SLCO6A1: variants seen among roughly 807,000 people sequenced by gnomAD.
The protein encoded by SLCO6A1 is cancer/testis antigen 48.
Under a neutral mutation model 72.7 loss-of-function variants are expected in SLCO6A1, and 65 were observed. That is an observed-to-expected ratio of 0.89 (90% CI 0.73 to 1.10). SLCO6A1 has a LOEUF of 1.10. Ranked by LOEUF, SLCO6A1 falls within the 50% of genes least tolerant of loss-of-function variation. The pLI is 0.00. For missense variants in SLCO6A1, 874 were observed against 872.6 expected (o/e 1.00, Z -0.02); for synonymous variants, 314 against 298.2 (o/e 1.05, Z -0.55).
chr5:102,477,698 T>C lies in SLCO6A1; in HGVS notation c.780A>G (p.Thr260=). ...TGCCTAAATAGATACCAGCTGAGTG[T>C]GTAGCAACATTCTCATCAATAAAGG... ...GITFIDENVA[T]HSAGIYLGIA... is the part of the protein sequence containing the mutation. Residue 260 remains threonine (T), a synonymous_variant, in exon 3 of 14, where the codon ACA becomes ACG. Coordinates refer to ENST00000506729, the MANE Select transcript of SLCO6A1 (RefSeq NM_173488.5). 1 of 1,613,162 alleles carries C rather than the reference T, an allele frequency of 6.2e-7. No individual in the cohort carries two copies. The highest frequency in any genetic ancestry group is 8.5e-7 in the Non-Finnish European group (1 of 1,179,614).
chr5:102,420,853 G>A (rs1430447371), intron 7 of SLCO6A1, among the ~76,000 whole-genome samples: 1 of 152,138 alleles, frequency 6.6e-6, no homozygotes, highest in Non-Finnish European at 1.5e-5. Flanking sequence ...AAGAGCTCCA[G>A]TCTGCAGCTC....
chr5:102,406,962 G>C (rs535905098), intron 9 of SLCO6A1, among the ~76,000 whole-genome samples: 2 of 151,812 alleles, frequency 1.3e-5, no homozygotes, highest in Middle Eastern at 3.4e-3. Context: ...ACTATTTGTA[G>C]TCTGCGTTAA....
At chr5:102,386,945 C>T (rs1746451097) in intron 12 of SLCO6A1, among the ~76,000 whole-genome samples, 1 of 152,160 alleles carries the variant, frequency 6.6e-6, no homozygotes, top group Non-Finnish European at 1.5e-5. Flanking sequence ...AAGGGTGATG[C>T]AGGTCATGTG....
intron 9 of SLCO6A1, among the ~76,000 whole-genome samples, chr5:102,401,067 G>GC (rs1554066884): frequency 1.3e-5 from 2 of 151,712 alleles, no homozygotes; most frequent in African/African-American, 2.4e-5. Flanking sequence ...TATTGGGGGG[G>GC]TTATAGGACA....
intron 13 of SLCO6A1, among the ~76,000 whole-genome samples, chr5:102,372,507 A>G (rs1194979584): frequency 2.6e-5 from 4 of 151,976 alleles, no homozygotes; most frequent in Non-Finnish European, 5.9e-5. Flanking sequence ...AAATCTCTAT[A>G]CAAATGCATT....
At chr5:102,413,408 T>G (rs1748099299) in intron 8 of SLCO6A1, among the ~76,000 whole-genome samples, 1 of 143,228 alleles carries the variant, frequency 7.0e-6, no homozygotes, top group Admixed American at 6.8e-5. Context: ...ACAAACATAA[T>G]AATAAAAAAA....
At chr5:102,420,470 T>C (rs1748533490) in intron 7 of SLCO6A1, among the ~76,000 whole-genome samples, 2 of 152,132 alleles carry the variant, frequency 1.3e-5, no homozygotes, top group African/African-American at 4.8e-5. Context: ...GAATGAACGT[T>C]CAATATTAAT....
intron 10 of SLCO6A1, among the ~76,000 whole-genome samples, chr5:102,394,008 G>GA (rs1746919298): frequency 6.6e-6 from 1 of 152,102 alleles, no homozygotes; most frequent in Non-Finnish European, 1.5e-5. Context: ...TTCCAGTTGT[G>GA]ACCCCCAACC....
At chr5:102,446,510 T>C (rs1158950902) in intron 6 of SLCO6A1, among the ~76,000 whole-genome samples, 1 of 152,214 alleles carries the variant, frequency 6.6e-6, no homozygotes, top group Non-Finnish European at 1.5e-5. Context: ...TTACATTGTC[T>C]GTAAAGAAAA....
In SLCO6A1 at chr5:102,459,753, T is replaced by C; in HGVS notation, c.924A>G (p.Pro308=). Residue 308 remains proline, a synonymous_variant, in exon 5 of 14, where the codon CCA becomes CCG. Coordinates refer to ENST00000506729, the MANE Select transcript of SLCO6A1 (RefSeq NM_173488.5). ...ATNTTVNNGS[P]EWLWTWWINF... is the part of the protein sequence containing the mutation. ...TAATCCACCAAGTCCATAGCCATTCTGGACTACCATTATTGACTGTAGTGC... is the reference window on the plus strand; with the variant it reads ...TAATCCACCAAGTCCATAGCCATTCCGGACTACCATTATTGACTGTAGTGC... 6.2e-7 allele frequency: 1 copy of C among 1,603,630 alleles called. No individual in the cohort carries two copies. The highest frequency in any genetic ancestry group is 1.7e-4 in the Middle Eastern group (1 of 6,004).
At chr5:102,466,306 T>C (rs538706770) in intron 4 of SLCO6A1, among the ~76,000 whole-genome samples, 22 of 152,284 alleles carry the variant, frequency 1.4e-4, no homozygotes, top group African/African-American at 5.3e-4. Flanking sequence ...ATTAGTTTAC[T>C]AAGGATAATG....
At chr5:102,495,854 C>T (rs990409700) in intron 1 of SLCO6A1, among the ~76,000 whole-genome samples, 5 of 152,020 alleles carry the variant, frequency 3.3e-5, no homozygotes, top group African/African-American at 4.8e-5. Flanking sequence ...TGAAGCTCAT[C>T]CTGCACTACA....
chr5:102,491,626 C>T (rs1290332650), intron 1 of SLCO6A1, among the ~76,000 whole-genome samples: 1 of 152,256 alleles, frequency 6.6e-6, no homozygotes, highest in Non-Finnish European at 1.5e-5. Context: ...CTGCGGGTGG[C>T]CCGGTGGCTC....
rs187829627 is a variant in SLCO6A1, at chr5:102,461,125, A to G, written c.900-1348T>C. ...ATTACATATGTGTGTATAATTGTGT[A>G]CCCGGAAGAGGTAGGGAAATCAACT... On this transcript the variant is annotated intron_variant, in intron 4 of 13. Transcript: ENST00000506729. Among the ~76,000 whole-genome samples, 319 of 151,612 alleles carry G rather than the reference A, an allele frequency of 2.1e-3. 3 individuals carry two copies. Among genetic ancestry groups the G allele is most frequent in the African/African-American group, 7.3e-3 (301 of 41,402 alleles).
At chr5:102,444,561 G>T (rs1421523934) in intron 6 of SLCO6A1, among the ~76,000 whole-genome samples, 1 of 152,070 alleles carries the variant, frequency 6.6e-6, no homozygotes, top group Non-Finnish European at 1.5e-5. Flanking sequence ...CTGTCCATCA[G>T]AATAAAATAT....
At chr5:102,431,035 G>A (rs905567613) in intron 7 of SLCO6A1, among the ~76,000 whole-genome samples, 3 of 152,034 alleles carry the variant, frequency 2.0e-5, no homozygotes, top group Non-Finnish European at 4.4e-5. Flanking sequence ...GGCTTTATGT[G>A]TCCAGGAATT....
intron 6 of SLCO6A1, among the ~76,000 whole-genome samples, chr5:102,444,918 C>T (rs544677914): frequency 3.5e-4 from 53 of 152,270 alleles, no homozygotes; most frequent in African/African-American, 1.2e-3. Context: ...TTTTGTATAG[C>T]AGCATAGTAT....
chr5:102,406,172 T>C (rs1191897172), intron 9 of SLCO6A1, among the ~76,000 whole-genome samples: 6 of 151,970 alleles, frequency 3.9e-5, no homozygotes, highest in African/African-American at 1.2e-4. Context: ...GGAACTCCAA[T>C]TAAAAGACAG....
Position 102,390,983 on chromosome 5 carries a change from A to C in SLCO6A1, c.1877T>G (p.Phe626Cys). ...AAGAGATTGCCAAAAATCCATACCA[A>C]ATATTCTCAAAATCACATAGCTTAC... ...LGVSYVILRI[F>C]GTIPGPSIFK... The change falls in exon 11 of 14, where the codon TTT becomes TGT. Residue 626 changes from phenylalanine to cysteine, a missense_variant and splice_region_variant. Transcript: ENST00000506729. 6.2e-7 allele frequency: 1 copy of C among 1,613,462 alleles called. No individual in the cohort carries two copies. Among genetic ancestry groups the C allele is most frequent in the East Asian group, 2.2e-5 (1 of 44,822 alleles).
Sources: allele counts gnomAD v4.1 joint callset (sites outside exome capture counted in the v4.1 genomes callset), GRCh38; gene constraint gnomAD v4.1.1; transcripts MANE v1.5; gene names NCBI Gene and HGNC (gene_info 2026-07-23, HGNC 2026-07-21).